Variants in CLEC3A observed in about 807,000 individuals in gnomAD.
CLEC3A encodes C-type lectin domain family 3 member A, also known as C-type (calcium dependent, carbohydrate-recognition domain) lectin, superfamily member 1 (cartilage-derived).
In CLEC3A, 28 loss-of-function variants were observed where a neutral mutation model predicts 20.4. The ratio of observed to expected loss-of-function variants is 1.37; its 90% CI spans 1.02 to 1.88. The LOEUF is 1.88. Ranked by LOEUF, CLEC3A falls within the 40% of genes most tolerant of loss-of-function variation. The probability of loss-of-function intolerance (pLI) is 0.00; values close to 1 mark genes in which losing one functional copy is unlikely to be tolerated. For synonymous variants in CLEC3A, 110 were observed against 88.1 expected (o/e 1.25, Z -1.39); for missense variants, 357 against 240.4 (o/e 1.48, Z -3.21).
At position 78,025,077 on chromosome 16, in the gene CLEC3A, G is replaced by A. The variant is rs950993522; in HGVS notation, c.115+2336G>A. 3.3e-5 allele frequency among the ~76,000 whole-genome samples: 5 copies of A among 152,162 alleles called. 1 individual carries two copies. The highest frequency in any genetic ancestry group is 1.2e-4 in the African/African-American group (5 of 41,440). ...TCTCAAACTCCTGACCTCAGGTGATGGGATTGCAGGCATGAGCCATCATAC... is the reference window on the plus strand; with the variant it reads ...TCTCAAACTCCTGACCTCAGGTGATAGGATTGCAGGCATGAGCCATCATAC... On this transcript the variant is annotated intron_variant, in intron 1 of 2. Transcript: ENST00000299642.
intron 1 of CLEC3A, among the ~76,000 whole-genome samples, chr16:78,024,294 A>G (rs975436248): frequency 2.0e-5 from 3 of 152,088 alleles, no homozygotes; most frequent in African/African-American, 7.2e-5. Flanking sequence ...GAATGTGTGA[A>G]GAGGGTCTGA....
intron 1 of CLEC3A, among the ~76,000 whole-genome samples, chr16:78,023,667 G>A (rs2018777169): frequency 6.6e-6 from 1 of 151,886 alleles, no homozygotes; most frequent in African/African-American, 2.4e-5. Context: ...GATGGCTGGT[G>A]GGTAAAAAGG....
In CLEC3A at chr16:78,031,049, G is replaced by C; in HGVS notation, c.*208G>C. Reference sequence around the variant, plus strand: ...TGGGGTATAGGGGATCAGAAATATTGATCCATGTGCACGCAGATAAAATGG... The same window carrying C: ...TGGGGTATAGGGGATCAGAAATATTCATCCATGTGCACGCAGATAAAATGG... On this transcript the variant is annotated 3_prime_UTR_variant, in exon 3 of 3. Transcript: ENST00000299642. 2 of 545,928 alleles carry C rather than the reference G, an allele frequency of 3.7e-6. No individual in the cohort carries two copies. Among genetic ancestry groups the C allele is most frequent in the East Asian group, 6.2e-5 (2 of 32,148 alleles). 33.8% of individuals were successfully genotyped at this position (545,928 alleles called of 1,614,324 possible).
rs1459573857 is a variant in CLEC3A, at chr16:78,031,758, C to A, written c.*917C>A. On this transcript the variant is annotated 3_prime_UTR_variant, in exon 3 of 3. Coordinates refer to ENST00000299642, the MANE Select transcript of CLEC3A (RefSeq NM_005752.6). ...TATGTTTAAGTCTATTATGGGCAACCAATCTTTGGAAGCTGAAAACTGAAT... is the reference window on the plus strand; with the variant it reads ...TATGTTTAAGTCTATTATGGGCAACAAATCTTTGGAAGCTGAAAACTGAAT... The A allele has an allele frequency of 1.3e-5, 2 of 151,918 alleles. No individual in the cohort carries two copies. Among genetic ancestry groups the A allele is most frequent in the African/African-American group, 4.8e-5 (2 of 41,354 alleles). The allele number at this position is 151,918 out of a possible 1,614,324, so 9.4% of individuals were successfully genotyped here. A position where few individuals can be genotyped will look rare whatever the true frequency, so the allele number is the denominator to read the frequency against.
At chr16:78,028,348 G>A (rs567554042) in intron 2 of CLEC3A, among the ~76,000 whole-genome samples, 158 bp downstream of exon 2, 6 of 152,306 alleles carry the variant, frequency 3.9e-5, no homozygotes, top group African/African-American at 1.4e-4. Flanking sequence ...TAGGAAATCA[G>A]CTTCATTTAC....
rs1182253075 is a variant in CLEC3A at position 78,022,603 on chromosome 16, G to A, written c.-24G>A. ...CTGCTCTAAGGGGGCTGGCAACATG[G>A]CTCAGCAGGCTTGCCCCAGAGCCAT... On this transcript the variant is annotated 5_prime_UTR_variant, in exon 1 of 3. Coordinates refer to ENST00000299642, the MANE Select transcript of CLEC3A (RefSeq NM_005752.6). 2 of 1,612,886 alleles carry A rather than the reference G, an allele frequency of 1.2e-6. No homozygotes were observed. The highest frequency in any genetic ancestry group is 1.3e-5 in the African/African-American group (1 of 74,996).
In CLEC3A at chr16:78,030,757, C is replaced by T. The variant is rs1567545083; in HGVS notation, c.510C>T (p.Phe170=). 3 of 1,614,150 alleles carry T rather than the reference C, an allele frequency of 1.9e-6. No individual in the cohort carries two copies. Among genetic ancestry groups the T allele is most frequent in the Non-Finnish European group, 2.5e-6 (3 of 1,180,014 alleles). Residue 170 remains phenylalanine (F), a synonymous_variant, in exon 3 of 3, where the codon TTC becomes TTT. Coordinates refer to ENST00000299642, the MANE Select transcript of CLEC3A (RefSeq NM_005752.6). ...GCAAGCGAGAAAACTGTGTCCTGTTCTCCCAATCAGCTCAGGGCAAGTGGA... is the reference window on the plus strand; with the variant it reads ...GCAAGCGAGAAAACTGTGTCCTGTTTTCCCAATCAGCTCAGGGCAAGTGGA... ...NGGKRENCVL[F]SQSAQGKWSD...
Position 78,030,673 on chromosome 16 carries a change from T to C in CLEC3A, c.426T>C (p.Val142=). The C allele has an allele frequency of 1.9e-6, 3 of 1,614,154 alleles. No homozygotes were observed. The highest frequency in any genetic ancestry group is 2.5e-6 in the Non-Finnish European group (3 of 1,180,034). Residue 142 remains valine (V), a synonymous_variant, in exon 3 of 3, where the codon GTT becomes GTC. Coordinates refer to ENST00000299642, the MANE Select transcript of CLEC3A (RefSeq NM_005752.6). ...INDMVTEGKF[V]DVNGIAISFL... ...ACATGGTCACGGAAGGCAAGTTTGT[T>C]GACGTCAACGGAATCGCTATCTCCT...
chr16:78,022,648 A>G lies in CLEC3A; in HGVS notation c.22A>G (p.Ile8Val). 3 of 1,614,158 alleles carry G rather than the reference A, an allele frequency of 1.9e-6. No homozygotes were observed. Among genetic ancestry groups the G allele is most frequent in the Non-Finnish European group, 2.5e-6 (3 of 1,180,032 alleles). The change falls in exon 1 of 3, where the codon ATT becomes GTT. Residue 8 changes from isoleucine to valine, a missense_variant. Physicochemically the swap from Ile to Val is conservative, Grantham distance 29. Transcript: ENST00000299642. Reference sequence around the variant, plus strand: ...AGCCATGGCAAAGAATGGACTTGTAATTTGCATCCTGGTGATCACCTTACT... The same window carrying G: ...AGCCATGGCAAAGAATGGACTTGTAGTTTGCATCCTGGTGATCACCTTACT... Reference protein sequence around the residue: MAKNGLVICILVITLLLD... With the variant: MAKNGLVVCILVITLLLD...
chr16:78,023,768 T>C (rs535785236), intron 1 of CLEC3A, among the ~76,000 whole-genome samples: 1 of 151,512 alleles, frequency 6.6e-6, no homozygotes, highest in African/African-American at 2.4e-5. Flanking sequence ...TTTTTTTTTT[T>C]TTTTTCTGAG....
intron 2 of CLEC3A, 118 bp from the exon 3 acceptor site, chr16:78,030,329 G>A (rs1253115642): frequency 4.3e-6 from 4 of 923,620 alleles, no homozygotes; most frequent in Non-Finnish European, 6.6e-6. Flanking sequence ...AATTTTAACT[G>A]TTGTCTCATC....
intron 2 of CLEC3A, among the ~76,000 whole-genome samples, chr16:78,029,732 A>G (rs933338000): frequency 5.9e-5 from 9 of 152,058 alleles, no homozygotes; most frequent in East Asian, 1.9e-4. Flanking sequence ...AAAACTCCCA[A>G]AGAAATCCAA....
intron 2 of CLEC3A, chr16:78,029,216 T>C (rs1567544334): frequency 4.5e-6 from 2 of 443,380 alleles, no homozygotes; most frequent in African/African-American, 2.0e-5. Flanking sequence ...CCAGGCACTA[T>C]GGGCTCTGAG....
chr16:78,026,005 G>C (rs532682104), intron 1 of CLEC3A, among the ~76,000 whole-genome samples: 1 of 152,326 alleles, frequency 6.6e-6, no homozygotes, highest in Non-Finnish European at 1.5e-5. Context: ...TACCTTGGAA[G>C]AAAGTGTTCA....
At chr16:78,028,064 C>T (rs770709509) in intron 1 of CLEC3A, 43 bp from the exon 2 acceptor site, 4 of 1,306,610 alleles carry the variant, frequency 3.1e-6, no homozygotes, top group Non-Finnish European at 4.4e-6. Flanking sequence ...TAATCATACG[C>T]TTTTCATCCA....
chr16:78,028,043 T>G (rs1258008835), intron 1 of CLEC3A, 64 bp from the exon 2 acceptor site: 1 of 1,146,710 alleles, frequency 8.7e-7, no homozygotes, highest in Non-Finnish European at 1.3e-6. Context: ...TTCCAAAGCT[T>G]GATTTTATTT....
chr16:78,023,392 C>T (rs1053729299), intron 1 of CLEC3A, among the ~76,000 whole-genome samples: 6 of 152,146 alleles, frequency 3.9e-5, no homozygotes, highest in Non-Finnish European at 8.8e-5. Context: ...CTGAATCTCC[C>T]AGGAACCTCA....
At chr16:78,029,463 G>C (rs185122690) in intron 2 of CLEC3A, among the ~76,000 whole-genome samples, 21 of 152,176 alleles carry the variant, frequency 1.4e-4, no homozygotes, top group Admixed American at 1.1e-3. Context: ...CTGCCTCCCA[G>C]GTTCGCACGA....
chr16:78,029,706 A>C lies in CLEC3A; in HGVS notation c.200-741A>C, dbSNP rs188841731. ...CAAATATTTTTAAAAATAAATATTA[A>C]ATACCATCTAGTTCCAAAACTCCCA... On this transcript the variant is annotated intron_variant, in intron 2 of 2. Transcript: ENST00000299642. 1.2e-4 allele frequency among the ~76,000 whole-genome samples: 19 copies of C among 152,184 alleles called. 1 individual carries two copies. The highest frequency in any genetic ancestry group is 5.8e-4 in the East Asian group (3 of 5,176).
Sources: gnomAD v4.1 joint callset for allele counts (sites outside exome capture counted in the v4.1 genomes callset) on GRCh38, gnomAD v4.1.1 for gene constraint, MANE v1.5 for transcripts, NCBI Gene and HGNC (gene_info 2026-07-23, HGNC 2026-07-21) for gene names.